The following TAFA1 variants were observed in gnomAD, a reference collection of about 807,000 sequenced individuals.
TAFA1 encodes TAFA chemokine like family member 1.
A neutral mutation model predicts 18.5 loss-of-function variants in TAFA1; 4 were observed. The ratio of observed to expected loss-of-function variants is 0.22; its 90% CI spans 0.11 to 0.49. TAFA1 has a LOEUF of 0.49. Among genes scored for constraint, TAFA1 ranks in the 20% least tolerant of loss-of-function variants. The pLI, the probability that TAFA1 is intolerant of heterozygous loss-of-function variation, is 0.98. For synonymous variants in TAFA1, 56 were observed against 55.2 expected (o/e 1.01, Z -0.06); for missense variants, 147 against 169.0 (o/e 0.87, Z 0.72).
At chr3:68,124,653 A>G (rs1479401935) in intron 2 of TAFA1, among the ~76,000 whole-genome samples, 3 of 152,210 alleles carry the variant, frequency 2.0e-5, no homozygotes, top group Admixed American at 2.0e-4. Flanking sequence ...TACAAATATT[A>G]TCTAATTAAT....
chr3:68,119,715 A>T (rs1179970551), intron 2 of TAFA1, among the ~76,000 whole-genome samples: 1 of 152,154 alleles, frequency 6.6e-6, no homozygotes, highest in African/African-American at 2.4e-5. Flanking sequence ...AGAGTGCTCT[A>T]ATTTGTTCTA....
At chr3:68,431,099 A>G (rs1327490190) in intron 3 of TAFA1, among the ~76,000 whole-genome samples, 1 of 151,920 alleles carries the variant, frequency 6.6e-6, no homozygotes, top group Non-Finnish European at 1.5e-5. Context: ...AACCCCCTAC[A>G]AAAGCCTCTA....
chr3:68,357,088 A>G (rs866110102), intron 2 of TAFA1, among the ~76,000 whole-genome samples: 2 of 152,032 alleles, frequency 1.3e-5, no homozygotes, highest in Non-Finnish European at 2.9e-5. Context: ...TCTCTTGCCA[A>G]TCACACTGTA....
chr3:68,130,321 C>A (rs571144062), intron 2 of TAFA1, among the ~76,000 whole-genome samples: 1 of 152,166 alleles, frequency 6.6e-6, no homozygotes, highest in Non-Finnish European at 1.5e-5. Flanking sequence ...CAGTTTGCTG[C>A]GGACATTTGG....
At chr3:68,464,259 G>A (rs150438896) in intron 3 of TAFA1, among the ~76,000 whole-genome samples, 251 of 152,238 alleles carry the variant, frequency 1.6e-3, no homozygotes, top group African/African-American at 5.9e-3. Context: ...AGTGGGGATA[G>A]GACAGTGAAT....
At chr3:68,424,455 A>G (rs964647410) in intron 3 of TAFA1, among the ~76,000 whole-genome samples, 1 of 152,066 alleles carries the variant, frequency 6.6e-6, no homozygotes, top group African/African-American at 2.4e-5. Context: ...TACAGTTTAT[A>G]ACTATTTTTT....
chr3:68,438,262 G>A (rs1327643424), intron 3 of TAFA1, among the ~76,000 whole-genome samples: 1 of 152,122 alleles, frequency 6.6e-6, no homozygotes, highest in Non-Finnish European at 1.5e-5. Flanking sequence ...GGAGGCTAAG[G>A]TGGAAGTTTT....
intron 2 of TAFA1, among the ~76,000 whole-genome samples, chr3:68,051,766 CAAGAT>C (rs1398095879): frequency 6.6e-6 from 1 of 151,940 alleles, no homozygotes; most frequent in Non-Finnish European, 1.5e-5. Context: ...AATATTTTGT[CAAGAT>C]AAGTCAATTT....
chr3:68,418,381 G>C (rs1474030350), intron 3 of TAFA1, among the ~76,000 whole-genome samples: 1 of 151,706 alleles, frequency 6.6e-6, no homozygotes, highest in Non-Finnish European at 1.5e-5. Context: ...GAGCCAGGAT[G>C]AGCCAGGAAA....
At chr3:68,314,544 T>C (rs931557168) in intron 2 of TAFA1, among the ~76,000 whole-genome samples, 2 of 152,232 alleles carry the variant, frequency 1.3e-5, no homozygotes, top group African/African-American at 2.4e-5. Context: ...GGATTGCTTT[T>C]TGACAAAGTA....
At chr3:68,064,097 T>G (rs1304354194) in intron 2 of TAFA1, among the ~76,000 whole-genome samples, 2 of 152,024 alleles carry the variant, frequency 1.3e-5, no homozygotes, top group African/African-American at 4.8e-5. Flanking sequence ...TAAATTCAAA[T>G]ATGTAAAAGC....
rs138032412 is a variant in TAFA1, at chr3:68,522,518, G to A, written c.260-16238G>A. The stretch of plus-strand genomic sequence containing the variant: ...TCTAGTCAATTGGACTGGTGCTTCA[G>A]AGGCAGCACCTAAGTCAGGCTCTGA... On this transcript the variant is annotated intron_variant, in intron 3 of 4. Transcript: ENST00000478136. Among the ~76,000 whole-genome samples the A allele has an allele frequency of 8.9e-3, 1,357 of 152,302 alleles. 19 individuals carry two copies. Among genetic ancestry groups the A allele is most frequent in the African/African-American group, 0.032 (1,310 of 41,568 alleles).
intron 2 of TAFA1, among the ~76,000 whole-genome samples, chr3:68,385,613 T>G (rs1326143616): frequency 6.6e-6 from 1 of 152,128 alleles, no homozygotes; most frequent in Non-Finnish European, 1.5e-5. Context: ...TGTGGCATGT[T>G]GTAGGCAATC....
intron 3 of TAFA1, among the ~76,000 whole-genome samples, chr3:68,481,307 C>T (rs753179725): frequency 2.0e-5 from 3 of 152,162 alleles, no homozygotes; most frequent in Non-Finnish European, 4.4e-5. Context: ...TGAGACCTTA[C>T]TATGACAATG....
chr3:68,352,781 T>C (rs923479133), intron 2 of TAFA1, among the ~76,000 whole-genome samples: 1 of 151,894 alleles, frequency 6.6e-6, no homozygotes, highest in Non-Finnish European at 1.5e-5. Flanking sequence ...CCATTGTCAG[T>C]GATAGGCCTG....
chr3:68,087,976 G>T (rs1185033183), intron 2 of TAFA1, among the ~76,000 whole-genome samples: 2 of 152,108 alleles, frequency 1.3e-5, no homozygotes, highest in East Asian at 1.9e-4. Flanking sequence ...CTACAACCAT[G>T]TTAGACACAG....
chr3:68,061,514 T>C (rs759176928), intron 2 of TAFA1, among the ~76,000 whole-genome samples: 2 of 152,158 alleles, frequency 1.3e-5, no homozygotes, highest in Non-Finnish European at 2.9e-5. Context: ...GAATGGCATA[T>C]ACATCCTCAG....
At chr3:68,190,158 T>G (rs1228177261) in intron 2 of TAFA1, among the ~76,000 whole-genome samples, 3 of 151,918 alleles carry the variant, frequency 2.0e-5, no homozygotes, top group Non-Finnish European at 4.4e-5. Flanking sequence ...ATTTTGTCAT[T>G]CTTTTTTTCC....
intron 2 of TAFA1, among the ~76,000 whole-genome samples, chr3:68,392,607 G>C (rs997864371): frequency 6.6e-6 from 1 of 151,940 alleles, no homozygotes; most frequent in Non-Finnish European, 1.5e-5. Context: ...CCACATACTT[G>C]GAAATAAAAC....
Sources: allele counts gnomAD v4.1 joint callset (sites outside exome capture counted in the v4.1 genomes callset), GRCh38; gene constraint gnomAD v4.1.1; transcripts MANE v1.5; gene names NCBI Gene and HGNC (gene_info 2026-07-23, HGNC 2026-07-21).